The following HUNK variants were observed in gnomAD, a reference collection of about 807,000 sequenced individuals.
HUNK encodes hormonally up-regulated neu tumor-associated kinase.
HUNK carries 21 observed loss-of-function variants against 61.0 expected under a neutral mutation model. That is an observed-to-expected ratio of 0.34 (90% CI 0.24 to 0.50). The LOEUF is 0.50. Among genes scored for constraint, HUNK ranks in the 20% least tolerant of loss-of-function variants. The pLI is 0.98. For missense variants in HUNK, 772 were observed against 945.7 expected, an observed-to-expected ratio of 0.82 and a Z score of 2.41; for synonymous variants, 371 against 386.1, an observed-to-expected ratio of 0.96 and a Z score of 0.46.
chr21:31,954,035 C>T lies in HUNK; in HGVS notation c.747-4808C>T, dbSNP rs184682289. Among the ~76,000 whole-genome samples, 6 of 152,248 alleles carry T rather than the reference C, an allele frequency of 3.9e-5. No individual in the cohort carries two copies. The East Asian group carries it at 5.8e-4, about 15-fold the overall frequency. ...TGCAGTGACTTGAGGAGATTTTTGG[C>T]GTCTGTTGAAGCCAGTTGGTGACAA... On this transcript the variant is annotated intron_variant, in intron 4 of 10. Coordinates refer to ENST00000270112, the MANE Select transcript of HUNK (RefSeq NM_014586.2).
intron 4 of HUNK, among the ~76,000 whole-genome samples, chr21:31,955,276 A>G (rs1006510136): frequency 7.0e-6 from 1 of 143,786 alleles, no homozygotes; most frequent in Non-Finnish European, 1.5e-5. Flanking sequence ...TTTTTTGGCA[A>G]AAATAGTGCA....
At chr21:31,927,709 G>T (rs2052670583) in intron 2 of HUNK, among the ~76,000 whole-genome samples, 1 of 151,778 alleles carries the variant, frequency 6.6e-6, no homozygotes, top group African/African-American at 2.4e-5. Context: ...TTACTTAATA[G>T]AACTTAGACT....
rs373844004 is a variant in HUNK, at chr21:31,967,341, ACT to A, written c.875-906_875-905del. The stretch of plus-strand genomic sequence containing the variant: ...ACTCCAGCCTGGGCGACAGTGTGAG[ACT>A]CTGTCTCCAAAATATAAAAAATAAT... On this transcript the variant is annotated intron_variant, in intron 5 of 10. Transcript: ENST00000270112. 8.4e-3 allele frequency among the ~76,000 whole-genome samples: 1,279 copies of A among 152,192 alleles called. 22 individuals carry two copies. Among genetic ancestry groups the A allele is most frequent in the African/African-American group, 0.029 (1,224 of 41,524 alleles).
At chr21:31,949,321 A>T (rs1165779101) in intron 4 of HUNK, among the ~76,000 whole-genome samples, 1 of 152,104 alleles carries the variant, frequency 6.6e-6, no homozygotes, top group Non-Finnish European at 1.5e-5. Flanking sequence ...TTCACTTCTG[A>T]GAAGGCCTCT....
At chr21:31,973,102 C>G (rs2053023078) in intron 6 of HUNK, among the ~76,000 whole-genome samples, 1 of 152,130 alleles carries the variant, frequency 6.6e-6, no homozygotes, top group South Asian at 2.1e-4. Flanking sequence ...AACTTGCCTT[C>G]TGCTCCGATT....
chr21:31,896,234 G>T (rs1170209320), intron 1 of HUNK, among the ~76,000 whole-genome samples: 2 of 152,110 alleles, frequency 1.3e-5, no homozygotes, highest in African/African-American at 4.8e-5. Context: ...TGGCAGCCCG[G>T]GCCAACTAAT....
At chr21:31,984,401 C>A (rs1352763640) in intron 8 of HUNK, among the ~76,000 whole-genome samples, 1 of 151,952 alleles carries the variant, frequency 6.6e-6, no homozygotes, top group African/African-American at 2.4e-5. Context: ...GAAAAAAATG[C>A]AAATGCTAGA....
intron 1 of HUNK, among the ~76,000 whole-genome samples, chr21:31,874,316 G>T (rs1213090326): frequency 1.3e-5 from 2 of 150,098 alleles, no homozygotes; most frequent in African/African-American, 2.5e-5. Context: ...GCTAGAGGAG[G>T]TGGGCTCTTA....
chr21:31,975,081 G>A (rs1049767359), intron 7 of HUNK, among the ~76,000 whole-genome samples: 31 of 152,038 alleles, frequency 2.0e-4, no homozygotes, highest in African/African-American at 6.8e-4. Context: ...CTAAAACTCG[G>A]GTAGCAGTGC....
chr21:31,874,294 G>C (rs943480634), intron 1 of HUNK, among the ~76,000 whole-genome samples: 51 of 150,848 alleles, frequency 3.4e-4, no homozygotes, highest in Non-Finnish European at 7.0e-4. Context: ...CCGTGGCGAG[G>C]CGGGAACCAG....
At chr21:31,946,642 T>C (rs2052805473) in intron 4 of HUNK, among the ~76,000 whole-genome samples, 1 of 151,582 alleles carries the variant, frequency 6.6e-6, no homozygotes. Flanking sequence ...TGAGGCAGAG[T>C]CTTTCTCTGT....
chr21:31,958,789 T>C (rs2123840904), intron 4 of HUNK, 54 bp from the exon 5 acceptor site: 1 of 1,507,918 alleles, frequency 6.6e-7, no homozygotes, highest in Non-Finnish European at 8.9e-7. Flanking sequence ...GTCCCCAGTC[T>C]TCCCCTCCCC....
intron 4 of HUNK, among the ~76,000 whole-genome samples, chr21:31,952,025 A>ATTT (rs66539485): frequency 5.7e-4 from 86 of 150,812 alleles, no homozygotes; most frequent in Non-Finnish European, 8.0e-4. Flanking sequence ...AAAGTACGAG[A>ATTT]TTTTTTTTTT....
chr21:31,977,434 A>C (rs976799176), intron 7 of HUNK, among the ~76,000 whole-genome samples: 2 of 152,228 alleles, frequency 1.3e-5, no homozygotes, highest in African/African-American at 4.8e-5. Context: ...AAAGTTCATG[A>C]TTTTGCTTAT....
At chr21:31,909,403 G>A (rs912854641) in intron 1 of HUNK, among the ~76,000 whole-genome samples, 3 of 152,196 alleles carry the variant, frequency 2.0e-5, no homozygotes, top group Non-Finnish European at 4.4e-5. Context: ...ACTCCCCTGG[G>A]TGGGCGTGGG....
At chr21:31,987,439 C>A (rs2053141679) in intron 8 of HUNK, among the ~76,000 whole-genome samples, 1 of 152,206 alleles carries the variant, frequency 6.6e-6, no homozygotes, top group Admixed American at 6.5e-5. Flanking sequence ...CCTAAGCCAA[C>A]TTGCCGATGC....
At chr21:31,918,463 AAAC>A (rs1380421285) in intron 1 of HUNK, among the ~76,000 whole-genome samples, 1 of 152,172 alleles carries the variant, frequency 6.6e-6, no homozygotes, top group Non-Finnish European at 1.5e-5. Context: ...TGGTGGCTTA[AAAC>A]AACAGAAAGT....
rs1388062398 is a variant in HUNK at position 31,998,715 on chromosome 21, T to C, written c.1676T>C (p.Val559Ala). The change falls in exon 11 of 11, where the codon GTG (valine) becomes GCG (alanine). Residue 559 changes from valine to alanine, a missense_variant. Physicochemically the swap from Val to Ala is moderately conservative, Grantham distance 64. Transcript: ENST00000270112. ...GAAGACCCCCTGATGCTGGACATGG[T>C]GCGCTCCTTCGAGTCTGTGGATCGC... ...HKEDPLMLDM[V>A]RSFESVDRDD... 6.2e-7 allele frequency: 1 copy of C among 1,614,164 alleles called. No homozygotes were observed. Among genetic ancestry groups the C allele is most frequent in the East Asian group, 2.2e-5 (1 of 44,852 alleles).
intron 1 of HUNK, among the ~76,000 whole-genome samples, chr21:31,906,718 C>T (rs2052508121): frequency 6.6e-6 from 1 of 152,082 alleles, no homozygotes; most frequent in Non-Finnish European, 1.5e-5. Flanking sequence ...GTGTAAGCCA[C>T]TGCACCTGGC....
Sources: gnomAD v4.1 joint callset for allele counts (sites outside exome capture counted in the v4.1 genomes callset) on GRCh38, gnomAD v4.1.1 for gene constraint, MANE v1.5 for transcripts, NCBI Gene and HGNC (gene_info 2026-07-23, HGNC 2026-07-21) for gene names.